The following EXT1 variants were observed in gnomAD, a reference collection of about 807,000 sequenced individuals.
EXT1 encodes the protein exostosin glycosyltransferase 1.
In EXT1, 20 loss-of-function variants were observed where a neutral mutation model predicts 82.5. The ratio of observed to expected loss-of-function variants is 0.24; its 90% CI spans 0.17 to 0.35. The LOEUF is 0.35. Among genes scored for constraint, EXT1 ranks in the 10% least tolerant of loss-of-function variants. EXT1 has a pLI of 1.00. For synonymous variants in EXT1, 348 were observed against 350.8 expected (o/e 0.99, Z 0.09); for missense variants, 757 against 936.5 (o/e 0.81, Z 2.50).
At chr8:118,051,104 G>A (rs1171292848) in intron 1 of EXT1, among the ~76,000 whole-genome samples, 2 of 152,208 alleles carry the variant, frequency 1.3e-5, no homozygotes, top group African/African-American at 4.8e-5. Context: ...GGGAAGCCGA[G>A]GTGGGTGGAT....
intron 5 of EXT1, among the ~76,000 whole-genome samples, chr8:117,820,094 T>G (rs1811898201): frequency 6.6e-6 from 1 of 152,210 alleles, no homozygotes; most frequent in African/African-American, 2.4e-5. Context: ...AGGTACCCAG[T>G]GTCCAAATAC....
intron 1 of EXT1, among the ~76,000 whole-genome samples, chr8:118,027,313 TCACACACACA>T (rs71307421): frequency 0.27 from 38,550 of 145,364 alleles, 5,042 homozygotes; most frequent in South Asian, 0.39. Flanking sequence ...TCAGTTTCTT[TCACACACACA>T]CACACACACA....
intron 1 of EXT1, among the ~76,000 whole-genome samples, chr8:118,099,885 C>T (rs1212298173): frequency 6.6e-6 from 1 of 152,188 alleles, no homozygotes; most frequent in Admixed American, 6.5e-5. Context: ...GATATGGCTT[C>T]AACAGCGCCT....
At chr8:117,847,039 C>T (rs188567663) in intron 1 of EXT1, among the ~76,000 whole-genome samples, 3 of 152,236 alleles carry the variant, frequency 2.0e-5, no homozygotes, top group East Asian at 1.9e-4. Flanking sequence ...CCCTGGATTC[C>T]GGGACACAGG....
chr8:117,971,695 A>T (rs1451868721), intron 1 of EXT1, among the ~76,000 whole-genome samples: 2 of 152,198 alleles, frequency 1.3e-5, no homozygotes, highest in Non-Finnish European at 2.9e-5. Context: ...CTCTCCACCA[A>T]AAAACCCACT....
At chr8:117,872,504 G>A (rs1812891035) in intron 1 of EXT1, among the ~76,000 whole-genome samples, 1 of 152,006 alleles carries the variant, frequency 6.6e-6, no homozygotes, top group South Asian at 2.1e-4. Context: ...AATGTTAGGG[G>A]GATTACCTAA....
intron 1 of EXT1, among the ~76,000 whole-genome samples, chr8:117,903,815 T>G (rs28429320): frequency 0.05 from 7,594 of 152,056 alleles, 633 homozygotes; most frequent in African/African-American, 0.17. Context: ...ACATGAGAAA[T>G]AACTAAAAAT....
intron 1 of EXT1, among the ~76,000 whole-genome samples, chr8:117,972,121 G>T (rs542625457): frequency 6.9e-6 from 1 of 145,820 alleles, no homozygotes; most frequent in East Asian, 2.0e-4. Flanking sequence ...TTGCAGTCCA[G>T]CCCGGGCAAC....
chr8:117,843,511 T>C (rs1363581230), intron 1 of EXT1, among the ~76,000 whole-genome samples: 2 of 151,926 alleles, frequency 1.3e-5, no homozygotes, highest in Non-Finnish European at 2.9e-5. Flanking sequence ...GGGGTAGAGA[T>C]AGCATAGCAG....
intron 1 of EXT1, among the ~76,000 whole-genome samples, chr8:117,878,998 T>C (rs1279246725): frequency 6.6e-6 from 1 of 152,188 alleles, no homozygotes; most frequent in Non-Finnish European, 1.5e-5. Flanking sequence ...ATGAGAATGG[T>C]GAAGCCATAA....
chr8:117,950,115 CCTGTAGTCCCA>C (rs1176830684), intron 1 of EXT1, among the ~76,000 whole-genome samples: 1 of 152,142 alleles, frequency 6.6e-6, no homozygotes, highest in East Asian at 1.9e-4. Context: ...GTGGCGTGAG[CCTGTAGTCCCA>C]GCTGCTGGGG....
At chr8:118,076,066 T>C (rs990853539) in intron 1 of EXT1, among the ~76,000 whole-genome samples, 4 of 152,180 alleles carry the variant, frequency 2.6e-5, no homozygotes, top group African/African-American at 9.7e-5. Context: ...ACTGAGATAA[T>C]TCAGGGGAGA....
chr8:117,853,182 A>C (rs749930611), intron 1 of EXT1, among the ~76,000 whole-genome samples: 12 of 152,204 alleles, frequency 7.9e-5, no homozygotes, highest in Non-Finnish European at 1.3e-4. Flanking sequence ...TGTGATGTAG[A>C]CTAAATCCAT....
At chr8:117,905,063 A>C (rs1010809274) in intron 1 of EXT1, among the ~76,000 whole-genome samples, 1 of 152,222 alleles carries the variant, frequency 6.6e-6, no homozygotes, top group Non-Finnish European at 1.5e-5. Flanking sequence ...AAGAACTAAA[A>C]GAACATTCCA....
intron 10 of EXT1, among the ~76,000 whole-genome samples, chr8:117,800,279 G>C (rs925652955): frequency 5.3e-5 from 8 of 152,142 alleles, no homozygotes; most frequent in Non-Finnish European, 1.2e-4. Context: ...CTTTCAAAGA[G>C]TTTTCTAAAT....
intron 2 of EXT1, among the ~76,000 whole-genome samples, chr8:117,836,228 TTTTC>T (rs1040117111): frequency 3.2e-4 from 49 of 152,262 alleles, no homozygotes; most frequent in African/African-American, 1.1e-3. Flanking sequence ...AGAGAACAAT[TTTTC>T]TTTATGCAGC....
chr8:117,907,517 C>T (rs980044418), intron 1 of EXT1, among the ~76,000 whole-genome samples: 1 of 152,142 alleles, frequency 6.6e-6, no homozygotes, highest in South Asian at 2.1e-4. Context: ...TCTGAATTCA[C>T]CTGCTTACTG....
intron 1 of EXT1, among the ~76,000 whole-genome samples, chr8:117,941,975 T>C (rs921980780): frequency 6.6e-6 from 1 of 152,172 alleles, no homozygotes; most frequent in African/African-American, 2.4e-5. Flanking sequence ...TATCATCCTA[T>C]TTTCAGATGG....
At chr8:117,828,743 TCCTGTCC>T (rs1489994518) in intron 4 of EXT1, among the ~76,000 whole-genome samples, 1 of 152,160 alleles carries the variant, frequency 6.6e-6, no homozygotes, top group Non-Finnish European at 1.5e-5. Flanking sequence ...GTCATTATGA[TCCTGTCC>T]CCTTCATGGG....
Sources: allele counts gnomAD v4.1 joint callset (sites outside exome capture counted in the v4.1 genomes callset), GRCh38; gene constraint gnomAD v4.1.1; transcripts MANE v1.5; gene names NCBI Gene and HGNC (gene_info 2026-07-23, HGNC 2026-07-21).